HEXA: variants seen among roughly 807,000 people sequenced by gnomAD.
The protein encoded by HEXA is beta-hexosaminidase subunit alpha.
A neutral mutation model predicts 73.3 loss-of-function variants in HEXA; 54 were observed. That is an observed-to-expected ratio of 0.74 (90% CI 0.59 to 0.92). The LOEUF (loss-of-function observed/expected upper bound fraction) is 0.92, where lower values mean the gene tolerates loss of function less well. HEXA is among the 40% of genes least tolerant of loss of function. The pLI, the probability that HEXA is intolerant of heterozygous loss-of-function variation, is 0.00. For missense variants in HEXA, 649 were observed against 653.0 expected (o/e 0.99, Z 0.07); for synonymous variants, 230 against 246.9 (o/e 0.93, Z 0.64).
intron 1 of HEXA, among the ~76,000 whole-genome samples, chr15:72,371,095 TA>T (rs1196688287): frequency 6.6e-6 from 1 of 152,180 alleles, no homozygotes; most frequent in Non-Finnish European, 1.5e-5. Flanking sequence ...TGGAGAGAAC[TA>T]ATCGGCCTTA....
chr15:72,355,906 C>T, intron 2 of HEXA: 1 of 537,468 alleles, frequency 1.9e-6, no homozygotes, highest in South Asian at 1.5e-5. Flanking sequence ...AAAGCACCAC[C>T]TACCTCATGG....
intron 8 of HEXA, 48 bp downstream of exon 8, chr15:72,349,030 TG>T (rs2088659569): frequency 5.3e-6 from 8 of 1,504,018 alleles, no homozygotes; most frequent in Non-Finnish European, 7.4e-6. Flanking sequence ...ACTTCTATTC[TG>T]AGTAAGCAAC....
intron 1 of HEXA, among the ~76,000 whole-genome samples, chr15:72,363,407 TCTTGAAC>T (rs2088877103): frequency 6.6e-6 from 1 of 152,132 alleles, no homozygotes; most frequent in South Asian, 2.1e-4. Flanking sequence ...CTGAGTGGGA[TCTTGAAC>T]CCTGAATTGG....
intron 1 of HEXA, among the ~76,000 whole-genome samples, chr15:72,363,096 C>A (rs1049591928): frequency 6.6e-6 from 1 of 152,192 alleles, no homozygotes; most frequent in African/African-American, 2.4e-5. Context: ...CCTTTATACA[C>A]ATCATATCCA....
At chr15:72,347,210 T>C (rs1483964103) in intron 10 of HEXA, among the ~76,000 whole-genome samples, 1 of 117,600 alleles carries the variant, frequency 8.5e-6, no homozygotes, top group African/African-American at 2.6e-5. Flanking sequence ...AAATAGTTCT[T>C]AATTAAGTTT....
At position 72,356,221 on chromosome 15, in the gene HEXA, CT is replaced by C. The variant is rs568968914; in HGVS notation, c.346+303del. Among the ~76,000 whole-genome samples, 294 of 152,236 alleles carry C rather than the reference CT, an allele frequency of 1.9e-3. 1 individual carries two copies. The highest frequency in any genetic ancestry group is 3.4e-3 in the Non-Finnish European group (232 of 68,014). ...ACCCCTGCTTTCCCCAGTGTAGGGT[CT>C]ATTAGAGAAAAGTAGCAAAGTATAC... On this transcript the variant is annotated intron_variant, in intron 2 of 13. Transcript: ENST00000268097.
At position 72,355,745 on chromosome 15, in the gene HEXA, A is replaced by C. The variant is rs1000858179; in HGVS notation, c.347-121T>G. ...AAAAACAGTAAGACCATATATTTTA[A>C]AAAATCTTTCAATGAGGAGATGTCC... On this transcript the variant is annotated intron_variant, in intron 2 of 13. Coordinates refer to ENST00000268097, the MANE Select transcript of HEXA (RefSeq NM_000520.6). The C allele has an allele frequency of 1.5e-5, 11 of 757,944 alleles. No homozygotes were observed. In the East Asian group the frequency reaches 2.2e-4, roughly 15 times the overall value. 47.0% of individuals were successfully genotyped at this position (757,944 alleles called of 1,614,324 possible).
At chr15:72,373,287 T>G (rs1387687419) in intron 1 of HEXA, among the ~76,000 whole-genome samples, 1 of 152,262 alleles carries the variant, frequency 6.6e-6, no homozygotes, top group Non-Finnish European at 1.5e-5. Context: ...GTATTCTGGC[T>G]TCAGCCTTGT....
chr15:72,349,499 T>A (rs1382813938), intron 7 of HEXA, among the ~76,000 whole-genome samples: 1 of 152,192 alleles, frequency 6.6e-6, no homozygotes, highest in African/African-American at 2.4e-5. Context: ...CAGACAACTG[T>A]CAGTGCGCAC....
chr15:72,371,291 A>G lies in HEXA; in HGVS notation c.253+4429T>C, dbSNP rs527375517. Among the ~76,000 whole-genome samples, 25 of 152,310 alleles carry G rather than the reference A, an allele frequency of 1.6e-4. No individual in the cohort carries two copies. In the South Asian group the frequency reaches 5.2e-3, roughly 32 times the overall value. The stretch of plus-strand genomic sequence containing the variant: ...ACTCCAAATTGGTAACCTGAAAGGA[A>G]AGGTAATCCTCAATGAAAACCTGCA... On this transcript the variant is annotated intron_variant, in intron 1 of 13. Coordinates refer to ENST00000268097, the MANE Select transcript of HEXA (RefSeq NM_000520.6).
At chr15:72,364,808 T>C (rs1595809211) in intron 1 of HEXA, among the ~76,000 whole-genome samples, 2 of 151,568 alleles carry the variant, frequency 1.3e-5, no homozygotes, top group South Asian at 2.1e-4. Context: ...TCTTTTTAAG[T>C]TTTAATTTAA....
chr15:72,351,257 T>A, intron 5 of HEXA, 23 bp from the exon 6 acceptor site: 1 of 1,474,054 alleles, frequency 6.8e-7, no homozygotes, highest in Non-Finnish European at 9.5e-7. Context: ...GTGCACACTG[T>A]GAACCCATCA....
chr15:72,344,413 G>A (rs1042085696), intron 13 of HEXA, among the ~76,000 whole-genome samples: 1 of 152,094 alleles, frequency 6.6e-6, no homozygotes, highest in Non-Finnish European at 1.5e-5. Flanking sequence ...TTTATATCCT[G>A]CCCATCTCTG....
At chr15:72,345,732 T>C (rs1053001631) in intron 12 of HEXA, 182 bp from the exon 13 acceptor site, 1 of 824,650 alleles carries the variant, frequency 1.2e-6, no homozygotes, top group Non-Finnish European at 1.9e-6. Context: ...ACGGCTCAGC[T>C]CCACCTTCAT....
At chr15:72,359,749 C>T (rs1281205912) in intron 1 of HEXA, 1 of 63,730 alleles carries the variant, frequency 1.6e-5, no homozygotes, top group Non-Finnish European at 3.6e-5. Flanking sequence ...AAAAAAAAAT[C>T]AAACAGTACT....
In HEXA at chr15:72,356,617, C is replaced by T; in HGVS notation, c.254G>A (p.Gly85Glu). 2 of 1,614,068 alleles carry T rather than the reference C, an allele frequency of 1.2e-6. No individual in the cohort carries two copies. The highest frequency in any genetic ancestry group is 2.2e-5 in the East Asian group (1 of 44,882). Residue 85 changes from glycine (G) to glutamate (E), a missense_variant and splice_region_variant, in exon 2 of 14, where the codon GGG (glycine) becomes GAG (glutamate). Physicochemically the swap from Gly to Glu is moderately conservative, Grantham distance 98. Coordinates refer to ENST00000268097, the MANE Select transcript of HEXA (RefSeq NM_000520.6). Reference protein sequence around the residue: ...SGSWPRPYLTGKRHTLEKNVL... With the variant: ...SGSWPRPYLTEKRHTLEKNVL... ...ATTCTTCTCCAGTGTATGCCGTTTC[C>T]CTAGGAAGACAGGGTAAGCTTGGTG...
chr15:72,366,869 A>G (rs1163350225), intron 1 of HEXA, among the ~76,000 whole-genome samples: 2 of 152,062 alleles, frequency 1.3e-5, no homozygotes, highest in African/African-American at 4.8e-5. Context: ...GATACCTCAT[A>G]GTCAACACGT....
intron 1 of HEXA, among the ~76,000 whole-genome samples, chr15:72,367,036 T>C (rs1254036706): frequency 6.6e-6 from 1 of 152,006 alleles, no homozygotes; most frequent in Non-Finnish European, 1.5e-5. Context: ...CTCCACCTCC[T>C]GGATTCAAGC....
chr15:72,370,954 T>C (rs929954248), intron 1 of HEXA, among the ~76,000 whole-genome samples: 1 of 152,202 alleles, frequency 6.6e-6, no homozygotes, highest in Non-Finnish European at 1.5e-5. Context: ...TACAAAACCT[T>C]CTTCCCGTGT....
Sources: allele counts gnomAD v4.1 joint callset (sites outside exome capture counted in the v4.1 genomes callset), GRCh38; gene constraint gnomAD v4.1.1; transcripts MANE v1.5; gene names NCBI Gene and HGNC (gene_info 2026-07-23, HGNC 2026-07-21).